PI4KA: variants seen among roughly 807,000 people sequenced by gnomAD.
PI4KA encodes PI4-kinase alpha.
PI4KA carries 122 observed loss-of-function variants against 271.4 expected under a neutral mutation model. The observed-to-expected ratio is 0.45, with a 90% CI of 0.39 to 0.52. PI4KA has a LOEUF of 0.52. PI4KA is among the 20% of genes least tolerant of loss of function. The pLI, the probability that PI4KA is intolerant of heterozygous loss-of-function variation, is 0.00. For missense variants in PI4KA, 1,969 were observed against 2,769.1 expected (o/e 0.71, Z 6.48); for synonymous variants, 1,041 against 1,078.8 (o/e 0.96, Z 0.69).
At chr22:20,775,348 T>C (rs1933183890) in intron 19 of PI4KA, among the ~76,000 whole-genome samples, 1 of 152,228 alleles carries the variant, frequency 6.6e-6, no homozygotes. Flanking sequence ...ATCAGGAAGA[T>C]TTACCTTCAG....
intron 42 of PI4KA, among the ~76,000 whole-genome samples, chr22:20,724,003 T>C (rs1927053395): frequency 6.6e-6 from 1 of 151,620 alleles, no homozygotes; most frequent in Admixed American, 6.6e-5. Flanking sequence ...CACACCTGGC[T>C]AATTTTTTGC....
At chr22:20,807,276 G>A in intron 10 of PI4KA, 86 bp downstream of exon 10, 1 of 801,742 alleles carries the variant, frequency 1.2e-6, no homozygotes, top group South Asian at 1.5e-5. Context: ...CAGAAAGTGA[G>A]TACCAGTCTG....
chr22:20,783,092 G>A (rs1166422716), intron 19 of PI4KA, among the ~76,000 whole-genome samples: 2 of 152,256 alleles, frequency 1.3e-5, no homozygotes, highest in Admixed American at 6.5e-5. Flanking sequence ...GAAAGGTGCT[G>A]AGAAGAATGC....
At chr22:20,839,903 T>C (rs1925342541) in intron 1 of PI4KA, among the ~76,000 whole-genome samples, 1 of 152,172 alleles carries the variant, frequency 6.6e-6, no homozygotes, top group South Asian at 2.1e-4. Context: ...ATAAACATTA[T>C]CTATTGTTAT....
At chr22:20,750,318 C>T (rs1408305200) in intron 27 of PI4KA, among the ~76,000 whole-genome samples, 1 of 152,172 alleles carries the variant, frequency 6.6e-6, no homozygotes, top group Admixed American at 6.5e-5. Context: ...GAGAAGGCTG[C>T]CATTCACAAG....
At chr22:20,711,235 T>C (rs1435592834) in intron 51 of PI4KA, 106 bp downstream of exon 51, 2 of 673,036 alleles carry the variant, frequency 3.0e-6, no homozygotes, top group Non-Finnish European at 2.5e-6. Context: ...CTGACACTCC[T>C]GGCAGGGTGG....
chr22:20,712,773 C>T lies in PI4KA; in HGVS notation c.5596G>A (p.Asp1866Asn), dbSNP rs368442314. The T allele has an allele frequency of 2.6e-4, 404 of 1,549,924 alleles. No individual in the cohort carries two copies. The highest frequency in any genetic ancestry group is 5.9e-4 in the Admixed American group (30 of 51,010). ...AGCTGGAAGATGTTCTTGAAGAGGT[C>T]GATGATCTGCAGGGCCAGCATGTCC... is the stretch of plus-strand genomic sequence containing the variant. ...RQDMLALQIIDLFKNIFQLVG... is the reference protein window; with the variant it reads ...RQDMLALQIINLFKNIFQLVG... The change falls in exon 49 of 55, where the codon GAC (aspartate) becomes AAC (asparagine). Residue 1866 changes from aspartate (D) to asparagine (N), a missense_variant. Around this residue, in one of 13 missense-constraint regions of PI4KA, gnomAD observed 110 missense variants for 349.8 expected, o/e 0.31. Coordinates refer to ENST00000255882, the MANE Select transcript of PI4KA (RefSeq NM_058004.4).
rs1255329169 is a variant in PI4KA, at chr22:20,747,628, G to A, written c.3318C>T (p.Ser1106=). The A allele has an allele frequency of 2.5e-6, 4 of 1,613,988 alleles. No individual in the cohort carries two copies. The highest frequency in any genetic ancestry group is 2.2e-5 in the East Asian group (1 of 44,886). ...QHTGLAMATE[S]ILHFAGYNKQ... Reference sequence around the variant, plus strand: ...TGTTGTAGCCAGCAAAGTGAAGGATGCTCTCAGTGGCCATGGCCAGCCCCG... The same window carrying A: ...TGTTGTAGCCAGCAAAGTGAAGGATACTCTCAGTGGCCATGGCCAGCCCCG... Residue 1106 remains serine (S), a synonymous_variant, in exon 29 of 55, where the codon AGC becomes AGT. Transcript: ENST00000255882.
At chr22:20,845,321 G>A (rs143499106) in intron 1 of PI4KA, among the ~76,000 whole-genome samples, 45 of 151,936 alleles carry the variant, frequency 3.0e-4, no homozygotes, top group African/African-American at 1.1e-3. Context: ...CATAACAGAG[G>A]GTATTTGTAA....
intron 7 of PI4KA, among the ~76,000 whole-genome samples, chr22:20,814,154 C>CA (rs1921427639): frequency 6.8e-6 from 1 of 147,412 alleles, no homozygotes; most frequent in Admixed American, 7.1e-5. Context: ...CACAGGGCCT[C>CA]AGAGATATTT....
intron 19 of PI4KA, chr22:20,787,180 G>T: frequency 1.0e-6 from 1 of 966,938 alleles, no homozygotes. Flanking sequence ...CTACCAATCT[G>T]AATTCGAGGC....
chr22:20,836,084 C>CAAAACAAAAA (rs760404845), intron 2 of PI4KA, among the ~76,000 whole-genome samples: 1 of 151,466 alleles, frequency 6.6e-6, no homozygotes, highest in East Asian at 2.0e-4. Context: ...CAAAACAAAA[C>CAAAACAAAAA]AAAAAACAAC....
chr22:20,751,269 T>G, intron 27 of PI4KA, 24 bp downstream of exon 27: 4 of 1,587,158 alleles, frequency 2.5e-6, no homozygotes, highest in Non-Finnish European at 3.5e-6. Context: ...TGGCCCTTAG[T>G]GCAGGGGATC....
At chr22:20,780,800 A>T (rs1465436292) in intron 19 of PI4KA, among the ~76,000 whole-genome samples, 2 of 151,634 alleles carry the variant, frequency 1.3e-5, no homozygotes, top group African/African-American at 4.8e-5. Flanking sequence ...AAGAAGTAAA[A>T]CGATGCTCCA....
At position 20,798,633 on chromosome 22, in the gene PI4KA, T is replaced by C; in HGVS notation, c.2059A>G (p.Ser687Gly). The part of the protein sequence containing the change: ...NLFQQISVKA[S>G]SVVYSATKDY... ...TTGGTGGCTGAGTATACAACGGAGC[T>C]GGCCTTCACACTGATCTGCTGGAAG... Residue 687 changes from serine to glycine, a missense_variant, in exon 17 of 55, where the codon AGC (serine) becomes GGC (glycine). Ser to Gly is a moderately conservative substitution (Grantham distance 56, BLOSUM62 0). Transcript: ENST00000255882. The C allele has an allele frequency of 6.2e-7, 1 of 1,613,994 alleles. No individual in the cohort carries two copies. The highest frequency in any genetic ancestry group is 8.5e-7 in the Non-Finnish European group (1 of 1,179,830).
chr22:20,789,497 T>A (rs186512381), intron 19 of PI4KA, among the ~76,000 whole-genome samples: 1 of 152,236 alleles, frequency 6.6e-6, no homozygotes, highest in Non-Finnish European at 1.5e-5. Context: ...GCTTGGCTAA[T>A]TTTTGTATTT....
chr22:20,730,252 C>A (rs565589923), intron 36 of PI4KA, among the ~76,000 whole-genome samples: 4 of 149,200 alleles, frequency 2.7e-5, no homozygotes, highest in African/African-American at 4.9e-5. Flanking sequence ...TTTCTTTTAA[C>A]CTTTTCAAAA....
intron 6 of PI4KA, 101 bp from the exon 7 acceptor site, chr22:20,818,650 T>C: frequency 1.2e-6 from 1 of 838,966 alleles, no homozygotes; most frequent in Non-Finnish European, 1.8e-6. Flanking sequence ...TGTTTGTACT[T>C]CAAGTTCTGG....
Position 20,839,003 on chromosome 22 carries a change from G to A in PI4KA, c.157-272C>T, listed in dbSNP as rs139395429. On this transcript the variant is annotated intron_variant, in intron 1 of 54. Transcript: ENST00000255882. Reference sequence around the variant, plus strand: ...AGGCCAATACAGGTGGATCACCTGAGGTCAGGAGTTCAAGACCAGCCTGGC... The same window carrying A: ...AGGCCAATACAGGTGGATCACCTGAAGTCAGGAGTTCAAGACCAGCCTGGC... 0.026 allele frequency among the ~76,000 whole-genome samples: 3,885 copies of A among 152,226 alleles called. 163 individuals carry two copies. Among genetic ancestry groups the A allele is most frequent in the African/African-American group, 0.089 (3,708 of 41,524 alleles).
Sources: gnomAD v4.1 joint callset for allele counts (sites outside exome capture counted in the v4.1 genomes callset) on GRCh38, gnomAD v4.1.1 for gene constraint, gnomAD v4.1.1 regional missense constraint, MANE v1.5 for transcripts, NCBI Gene and HGNC (gene_info 2026-07-23, HGNC 2026-07-21) for gene names.